SMURF1: variants seen among roughly 807,000 people sequenced by gnomAD.
SMURF1 encodes the protein SMAD specific E3 ubiquitin protein ligase 1.
In SMURF1, 44 loss-of-function variants were observed where a neutral mutation model predicts 98.0. The ratio of observed to expected loss-of-function variants is 0.45; its 90% CI spans 0.35 to 0.58. SMURF1 has a LOEUF of 0.58. Among genes scored for constraint, SMURF1 ranks in the 20% least tolerant of loss-of-function variants. The pLI is 0.00. For synonymous variants in SMURF1, 396 were observed against 374.9 expected (o/e 1.06, Z -0.65); for missense variants, 687 against 938.4 (o/e 0.73, Z 3.50).
At chr7:99,115,804 C>G (rs924590735) in intron 1 of SMURF1, among the ~76,000 whole-genome samples, 2 of 151,868 alleles carry the variant, frequency 1.3e-5, no homozygotes, top group African/African-American at 4.8e-5. Context: ...AATTCAATAA[C>G]CAAAAGAACT....
rs777412254 is a variant in SMURF1 at position 99,047,888 on chromosome 7, GA to G, written c.954-7del. ...CCTTGAGTTGGCACTGGTGACTTGA[GA>G]AGAAGAGATGCAGAAAGTCACTCCG... is the stretch of plus-strand genomic sequence containing the variant. On this transcript the variant is annotated splice_region_variant and splice_polypyrimidine_tract_variant and intron_variant, in intron 9 of 17. Coordinates refer to ENST00000361368, the MANE Select transcript of SMURF1 (RefSeq NM_181349.3). 6.2e-7 allele frequency: 1 copy of G among 1,613,110 alleles called. No homozygotes were observed. Among genetic ancestry groups the G allele is most frequent in the Non-Finnish European group, 8.5e-7 (1 of 1,179,982 alleles).
chr7:99,078,510 C>T (rs534735942), intron 1 of SMURF1, among the ~76,000 whole-genome samples: 1 of 152,294 alleles, frequency 6.6e-6, no homozygotes, highest in South Asian at 2.1e-4. Context: ...ACCCCCCCTC[C>T]CCTGCACCCT....
Position 99,042,214 on chromosome 7 carries a change from C to T in SMURF1, c.1275G>A (p.Leu425=). 1.2e-6 allele frequency: 2 copies of T among 1,613,572 alleles called. No homozygotes were observed. Among genetic ancestry groups the T allele is most frequent in the Admixed American group, 1.7e-5 (1 of 59,966 alleles). ...AATAAGGATTCAGCATTTCATGGCACAGCAAGTAAAGCCACTCCCTGGGAG... is the reference window on the plus strand; with the variant it reads ...AATAAGGATTCAGCATTTCATGGCATAGCAAGTAAAGCCACTCCCTGGGAG... ...GGVAREWLYL[L]CHEMLNPYYG... Residue 425 remains leucine (L), a synonymous_variant, in exon 12 of 18, where the codon CTG becomes CTA. Coordinates refer to ENST00000361368, the MANE Select transcript of SMURF1 (RefSeq NM_181349.3).
At chr7:99,052,155 C>T in intron 7 of SMURF1, 50 bp downstream of exon 7, 2 of 1,463,566 alleles carry the variant, frequency 1.4e-6, no homozygotes, top group Non-Finnish European at 1.8e-6. Flanking sequence ...AAAGTCAACT[C>T]ATGGAAACAG....
chr7:99,072,384 G>A (rs1193047488), intron 1 of SMURF1, among the ~76,000 whole-genome samples: 1 of 152,106 alleles, frequency 6.6e-6, no homozygotes, highest in East Asian at 1.9e-4. Flanking sequence ...GCCAGGCGTG[G>A]TGGCTCACCA....
At chr7:99,123,849 T>A (rs1469696087) in intron 1 of SMURF1, among the ~76,000 whole-genome samples, 1 of 152,214 alleles carries the variant, frequency 6.6e-6, no homozygotes, top group African/African-American at 2.4e-5. Context: ...GCAGTTCAAC[T>A]TTAGTCCACT....
chr7:99,138,697 G>A (rs1798049500), intron 1 of SMURF1, among the ~76,000 whole-genome samples: 1 of 152,012 alleles, frequency 6.6e-6, no homozygotes, highest in Non-Finnish European at 1.5e-5. Flanking sequence ...CATGTCTAAA[G>A]TCAGTTGGGT....
Position 99,059,409 on chromosome 7 carries a change from AAATAAAATAAAAT to A in SMURF1, c.203+1177_203+1189del, listed in dbSNP as rs1563010554. ...CAAGACTCCATCTCAAAAAAAAATAAAATAAAATAAAATAAAATAAAATAAAATAAAATAAAAT... is the reference window on the plus strand; with the variant it reads ...CAAGACTCCATCTCAAAAAAAAATAAAAAATAAAATAAAATAAAATAAAAT... On this transcript the variant is annotated intron_variant, in intron 3 of 17. Transcript: ENST00000361368. Among the ~76,000 whole-genome samples, 35 of 33,964 alleles carry A rather than the reference AAATAAAATAAAAT, an allele frequency of 1.0e-3. 6 individuals are homozygous for A. The highest frequency in any genetic ancestry group is 4.4e-3 in the African/African-American group (29 of 6,580). The allele number at this position is 33,964 out of a possible 152,430, so 22.3% of individuals were successfully genotyped here.
intron 1 of SMURF1, among the ~76,000 whole-genome samples, chr7:99,088,875 G>C (rs1373470332): frequency 6.6e-6 from 1 of 151,938 alleles, no homozygotes; most frequent in Non-Finnish European, 1.5e-5. Flanking sequence ...GATCAGCCTG[G>C]CCAACATGGT....
At chr7:99,123,739 T>C (rs1336635054) in intron 1 of SMURF1, among the ~76,000 whole-genome samples, 1 of 152,292 alleles carries the variant, frequency 6.6e-6, no homozygotes, top group South Asian at 2.1e-4. Context: ...AACTGAATGA[T>C]ATAGTAAGAG....
At chr7:99,101,726 G>T (rs1365491721) in intron 1 of SMURF1, among the ~76,000 whole-genome samples, 1 of 152,154 alleles carries the variant, frequency 6.6e-6, no homozygotes, top group African/African-American at 2.4e-5. Flanking sequence ...GATCGCCTGA[G>T]GTCAGGAGTT....
intron 1 of SMURF1, among the ~76,000 whole-genome samples, chr7:99,086,763 A>G (rs1445661533): frequency 2.0e-5 from 3 of 152,228 alleles, no homozygotes; most frequent in Non-Finnish European, 2.9e-5. Flanking sequence ...CCATACTCCA[A>G]CGTAAGTGCA....
chr7:99,087,014 G>A (rs746223390), intron 1 of SMURF1, among the ~76,000 whole-genome samples: 6 of 151,978 alleles, frequency 3.9e-5, no homozygotes, highest in African/African-American at 9.7e-5. Context: ...GTGGATATAC[G>A]GAAAATACTA....
At chr7:99,106,484 T>C (rs533653097) in intron 1 of SMURF1, among the ~76,000 whole-genome samples, 2 of 152,294 alleles carry the variant, frequency 1.3e-5, no homozygotes, top group African/African-American at 4.8e-5. Flanking sequence ...GGAAACTATT[T>C]AAAATATTTG....
At chr7:99,096,942 A>G (rs142754395) in intron 1 of SMURF1, among the ~76,000 whole-genome samples, 1 of 152,362 alleles carries the variant, frequency 6.6e-6, no homozygotes, top group African/African-American at 2.4e-5. Context: ...GTTCCTGACC[A>G]TAATGGAATT....
chr7:99,089,209 A>G (rs1796751267), intron 1 of SMURF1, among the ~76,000 whole-genome samples: 1 of 151,836 alleles, frequency 6.6e-6, no homozygotes, highest in Non-Finnish European at 1.5e-5. Flanking sequence ...TCAAAAAAAA[A>G]AAAAAGAAAG....
chr7:99,027,953 A>T lies in SMURF1; in HGVS notation c.*2631T>A, dbSNP rs1562991341. The T allele has an allele frequency of 1.3e-5, 2 of 152,620 alleles. No individual in the cohort carries two copies. 9.5% of individuals were successfully genotyped at this position (152,620 alleles called of 1,614,324 possible). On this transcript the variant is annotated 3_prime_UTR_variant, in exon 18 of 18. Transcript: ENST00000361368. Reference sequence around the variant, plus strand: ...AGATTCTCTTTTCAGAACTTGAGAGAGCCCTTTTCCGGTCGCCCCGGGCCT... The same window carrying T: ...AGATTCTCTTTTCAGAACTTGAGAGTGCCCTTTTCCGGTCGCCCCGGGCCT...
intron 1 of SMURF1, among the ~76,000 whole-genome samples, chr7:99,115,883 A>C (rs556536722): frequency 6.6e-6 from 1 of 151,524 alleles, no homozygotes; most frequent in South Asian, 2.1e-4. Flanking sequence ...TTTTTTTTTT[A>C]AATTAACAAA....
intron 6 of SMURF1, among the ~76,000 whole-genome samples, chr7:99,053,816 C>T (rs1795818154): frequency 1.3e-5 from 2 of 152,148 alleles, no homozygotes; most frequent in South Asian, 4.1e-4. Context: ...TGACAGTGAC[C>T]AATGACGGTT....
Sources: gnomAD v4.1 joint callset for allele counts (sites outside exome capture counted in the v4.1 genomes callset) on GRCh38, gnomAD v4.1.1 for gene constraint, MANE v1.5 for transcripts, NCBI Gene and HGNC (gene_info 2026-07-23, HGNC 2026-07-21) for gene names.